Variants in NEAT1 observed in about 807,000 individuals in gnomAD.
The protein encoded by NEAT1 is MENepsilon/beta.
exon 1 of NEAT1, chr11:65,444,598 G>A (rs562212239): frequency 6.8e-5 from 31 of 457,054 alleles, no homozygotes; most frequent in Middle Eastern, 3.4e-4. Context: ...CCACGGACCC[G>A]CCGTGGGCCC....
chr11:65,431,854 T>C (rs1856616657), exon 1 of NEAT1: 1 of 152,250 alleles, frequency 6.6e-6, no homozygotes, highest in Non-Finnish European at 1.5e-5. Flanking sequence ...TATCTTCTCT[T>C]ATTCCATAAG....
At chr11:65,423,976 G>C (rs2239895) in exon 1 of NEAT1, 6,367 of 152,364 alleles carry the variant, frequency 0.042, 216 homozygotes, top group East Asian at 0.16. Flanking sequence ...TCCTCATGGC[G>C]AGCAGATGGA....
At chr11:65,432,406 CCAGGACTTTAAAA>C (rs1856620875) in exon 1 of NEAT1, 1 of 152,050 alleles carries the variant, frequency 6.6e-6, no homozygotes, top group Non-Finnish European at 1.5e-5. Flanking sequence ...ACCTATTATA[CCAGGACTTTAAAA>C]ATCAGTCTGA....
exon 1 of NEAT1, chr11:65,430,701 C>G (rs1296546250): frequency 6.6e-6 from 1 of 152,132 alleles, no homozygotes; most frequent in Non-Finnish European, 1.5e-5. Flanking sequence ...ATTTAGTGTA[C>G]ACATGTATCC....
At chr11:65,444,556 C>A in exon 1 of NEAT1, 1 of 489,376 alleles carries the variant, frequency 2.0e-6, no homozygotes, top group East Asian at 6.3e-5. Flanking sequence ...ACAGGACTCT[C>A]AAATGAGGAC....
rs146451206 is a variant in NEAT1, at chr11:65,438,726, C to T, written n.15929C>T. On this transcript the variant is annotated non_coding_transcript_exon_variant, in exon 1 of 1. Coordinates refer to ENST00000501122, the Ensembl canonical transcript of NEAT1. ...CATGTTGCAGCATATAACAGTACTG[C>T]GTTCCTTTTTCTGGCTGAATAATAT... 1.5e-3 allele frequency: 225 copies of T among 152,256 alleles called. 1 individual carries two copies. The highest frequency in any genetic ancestry group is 5.0e-3 in the African/African-American group (207 of 41,532). The allele number at this position is 152,256 out of a possible 1,614,324, so 9.4% of individuals were successfully genotyped here.
At chr11:65,437,281 G>A (rs1034428364) in exon 1 of NEAT1, 1 of 145,510 alleles carries the variant, frequency 6.9e-6, no homozygotes, top group Admixed American at 6.9e-5. Context: ...CCTGGATTTT[G>A]TGAGTAGTTT....
At chr11:65,425,623 G>A (rs368756031) in exon 1 of NEAT1, 6 of 152,144 alleles carry the variant, frequency 3.9e-5, no homozygotes, top group East Asian at 1.9e-4. Flanking sequence ...CACTTAAGAC[G>A]AGATTAGATG....
chr11:65,430,105 A>C (rs1449749270), exon 1 of NEAT1: 1 of 152,220 alleles, frequency 6.6e-6, no homozygotes, highest in Admixed American at 6.5e-5. Context: ...TCTGGGAGCA[A>C]GTTACTTAAC....
At chr11:65,437,388 CTTAA>C (rs1175542246) in exon 1 of NEAT1, 1 of 151,780 alleles carries the variant, frequency 6.6e-6, no homozygotes, top group African/African-American at 2.4e-5. Flanking sequence ...TCTATCTAGA[CTTAA>C]TTTTAGCATA....
chr11:65,426,648 G>A (rs1856564950), exon 1 of NEAT1: 2 of 152,170 alleles, frequency 1.3e-5, no homozygotes, highest in African/African-American at 4.8e-5. Context: ...AAGTAATTAA[G>A]GCCATGTAGG....
At chr11:65,429,508 G>GTT (rs1856595601) in exon 1 of NEAT1, 1 of 151,322 alleles carries the variant, frequency 6.6e-6, no homozygotes. Flanking sequence ...GTGTGTGTGT[G>GTT]TGTGTGTGTG....
exon 1 of NEAT1, chr11:65,433,843 T>A (rs963936280): frequency 6.6e-6 from 1 of 151,944 alleles, no homozygotes. Context: ...CTTCCACTTA[T>A]GTGGTCCCAC....
exon 1 of NEAT1, chr11:65,431,506 C>T (rs1856613598): frequency 6.6e-6 from 1 of 152,160 alleles, no homozygotes; most frequent in Non-Finnish European, 1.5e-5. Flanking sequence ...AGCAACTGCA[C>T]CATTTTACGT....
exon 1 of NEAT1, chr11:65,433,204 G>A (rs1856628383): frequency 6.6e-6 from 1 of 152,142 alleles, no homozygotes; most frequent in African/African-American, 2.4e-5. Flanking sequence ...TAGATACCCA[G>A]GAGTGGGATT....
exon 1 of NEAT1, chr11:65,439,503 T>G (rs1282428924): frequency 6.6e-6 from 1 of 152,012 alleles, no homozygotes; most frequent in Non-Finnish European, 1.5e-5. Flanking sequence ...CTGGCCAGCA[T>G]AGCGAAAACT....
exon 1 of NEAT1, chr11:65,440,431 A>C (rs969635516): frequency 6.6e-6 from 1 of 151,568 alleles, no homozygotes; most frequent in Non-Finnish European, 1.5e-5. Flanking sequence ...ACTGCACTCC[A>C]GCCTTGGCGA....
At chr11:65,430,984 A>G (rs1329688780) in exon 1 of NEAT1, 1 of 152,224 alleles carries the variant, frequency 6.6e-6, no homozygotes, top group Non-Finnish European at 1.5e-5. Flanking sequence ...TGTACAACCA[A>G]TCTCCAGAAC....
chr11:65,428,441 AG>A (rs890310346), exon 1 of NEAT1: 2 of 152,208 alleles, frequency 1.3e-5, no homozygotes, highest in African/African-American at 4.8e-5. Flanking sequence ...CCTTAATGCC[AG>A]GGCTAACCTC....
Sources: gnomAD v4.1 joint callset for allele counts on GRCh38, gnomAD v4.1.1 for gene constraint, MANE v1.5 for transcripts, NCBI Gene and HGNC (gene_info 2026-07-23, HGNC 2026-07-21) for gene names.